Variants in C1orf21 observed in about 807,000 individuals in gnomAD.
C1orf21 encodes uncharacterized protein C1orf21.
C1orf21 carries 3 observed loss-of-function variants against 18.7 expected under a neutral mutation model. That is an observed-to-expected ratio of 0.16 (90% CI 0.07 to 0.42). The LOEUF is 0.42. C1orf21 is among the 10% of genes least tolerant of loss of function. The pLI, the probability that C1orf21 is intolerant of heterozygous loss-of-function variation, is 0.99. For missense variants in C1orf21, 104 were observed against 143.6 expected (o/e 0.72, Z 1.41); for synonymous variants, 41 against 46.4 (o/e 0.88, Z 0.47).
At chr1:184,579,944 G>A (rs1659253877) in intron 3 of C1orf21, among the ~76,000 whole-genome samples, 1 of 152,152 alleles carries the variant, frequency 6.6e-6, no homozygotes, top group African/African-American at 2.4e-5. Flanking sequence ...TTGCAAAATT[G>A]CCCTTGCTTA....
intron 5 of C1orf21, among the ~76,000 whole-genome samples, chr1:184,616,506 T>G (rs1659825853): frequency 6.6e-6 from 1 of 152,186 alleles, no homozygotes. Context: ...AGTTGCAGAG[T>G]CCTGTGTTTA....
chr1:184,504,950 G>A (rs1658031759), intron 2 of C1orf21, among the ~76,000 whole-genome samples: 1 of 152,136 alleles, frequency 6.6e-6, no homozygotes, highest in African/African-American at 2.4e-5. Flanking sequence ...TTAGAATAAT[G>A]CTGCTTTGAA....
At chr1:184,539,830 G>A (rs1438213272) in intron 3 of C1orf21, among the ~76,000 whole-genome samples, 2 of 152,108 alleles carry the variant, frequency 1.3e-5, no homozygotes, top group Admixed American at 6.5e-5. Context: ...CCTTTAAGGG[G>A]AAGTCTTAAG....
chr1:184,558,061 G>T (rs990952528), intron 3 of C1orf21, among the ~76,000 whole-genome samples: 1 of 152,130 alleles, frequency 6.6e-6, no homozygotes, highest in African/African-American at 2.4e-5. Flanking sequence ...CTGCTTTACC[G>T]TTTTGGTTTT....
chr1:184,511,572 A>AT (rs1658143652), intron 3 of C1orf21, among the ~76,000 whole-genome samples: 2 of 152,230 alleles, frequency 1.3e-5, no homozygotes, highest in African/African-American at 2.4e-5. Flanking sequence ...AATGAACAGA[A>AT]GAATGAATGA....
At chr1:184,418,520 TA>T (rs1264031494) in intron 1 of C1orf21, among the ~76,000 whole-genome samples, 3 of 152,228 alleles carry the variant, frequency 2.0e-5, no homozygotes, top group Non-Finnish European at 4.4e-5. Context: ...GGCGAAGTTA[TA>T]ACTTTTCTTC....
intron 5 of C1orf21, 92 bp from the exon 6 acceptor site, chr1:184,619,426 C>T (rs1659881662): frequency 7.4e-7 from 1 of 1,356,580 alleles, no homozygotes; most frequent in Non-Finnish European, 1.0e-6. Flanking sequence ...TGCAAGGAGA[C>T]ATATATTGAG....
chr1:184,403,493 G>A (rs1656197152), intron 1 of C1orf21, among the ~76,000 whole-genome samples: 1 of 152,208 alleles, frequency 6.6e-6, no homozygotes, highest in African/African-American at 2.4e-5. Context: ...TGAAGGGTAT[G>A]TTGTGCTTGG....
chr1:184,428,393 G>A (rs1656674711), intron 1 of C1orf21, among the ~76,000 whole-genome samples: 1 of 152,162 alleles, frequency 6.6e-6, no homozygotes, highest in Non-Finnish European at 1.5e-5. Flanking sequence ...GGCAGGGAGG[G>A]ACCAGAAGAA....
chr1:184,535,180 A>G (rs1291869858), intron 3 of C1orf21, among the ~76,000 whole-genome samples: 1 of 152,174 alleles, frequency 6.6e-6, no homozygotes, highest in East Asian at 1.9e-4. Context: ...AGCCCCCTTC[A>G]CACCAGCTGT....
chr1:184,434,509 G>T (rs952283782), intron 1 of C1orf21, among the ~76,000 whole-genome samples: 2 of 152,174 alleles, frequency 1.3e-5, no homozygotes, highest in Non-Finnish European at 2.9e-5. Context: ...CTTAGATTTG[G>T]TTGGGGGAAG....
intron 1 of C1orf21, among the ~76,000 whole-genome samples, chr1:184,418,509 C>T (rs892701932): frequency 6.6e-5 from 10 of 152,288 alleles, no homozygotes; most frequent in Admixed American, 4.6e-4. Flanking sequence ...CCACTGTGCC[C>T]GGCGAAGTTA....
At chr1:184,559,130 A>G (rs1658917098) in intron 3 of C1orf21, among the ~76,000 whole-genome samples, 3 of 152,134 alleles carry the variant, frequency 2.0e-5, no homozygotes. Flanking sequence ...CTAGTGTTGA[A>G]TTGTAATCTC....
chr1:184,612,959 T>C (rs918316545), intron 5 of C1orf21, among the ~76,000 whole-genome samples: 35 of 152,328 alleles, frequency 2.3e-4, no homozygotes, highest in Middle Eastern at 3.4e-3. Context: ...CCTTCCTTTT[T>C]TTTTCTTTTG....
intron 5 of C1orf21, among the ~76,000 whole-genome samples, chr1:184,608,939 C>G (rs1659689774): frequency 6.6e-6 from 1 of 152,160 alleles, no homozygotes; most frequent in Admixed American, 6.5e-5. Context: ...CTGGCTAGTC[C>G]ATTGTTCTCT....
At chr1:184,580,950 G>C (rs1014614857) in intron 3 of C1orf21, among the ~76,000 whole-genome samples, 1 of 151,896 alleles carries the variant, frequency 6.6e-6, no homozygotes, top group African/African-American at 2.4e-5. Context: ...GAATTTAGAT[G>C]TGGTCCTGTG....
chr1:184,488,900 G>T (rs964147767), intron 2 of C1orf21, among the ~76,000 whole-genome samples: 1 of 152,188 alleles, frequency 6.6e-6, no homozygotes, highest in Non-Finnish European at 1.5e-5. Context: ...AGGAGGCGGA[G>T]GTTGCAGTGA....
Position 184,530,607 on chromosome 1 carries a change from T to C in C1orf21, c.189+22925T>C, listed in dbSNP as rs535227257. ...GTCTCTTTTTTCTTTTTTCTTTTTT[T>C]TTTTTTTTTTTGAGCTGGGGTTCAC... On this transcript the variant is annotated intron_variant, in intron 3 of 5. Transcript: ENST00000235307. 1.2e-4 allele frequency among the ~76,000 whole-genome samples: 18 copies of C among 149,558 alleles called. No homozygotes were observed. In the East Asian group the frequency reaches 2.1e-3, roughly 18 times the overall value.
At chr1:184,412,237 G>A (rs1334336548) in intron 1 of C1orf21, 1 of 152,212 alleles carries the variant, frequency 6.6e-6, no homozygotes, top group Non-Finnish European at 1.5e-5. Flanking sequence ...TAAGGTGCAG[G>A]TATTGTCAGT....
Sources: allele counts gnomAD v4.1 joint callset (sites outside exome capture counted in the v4.1 genomes callset), GRCh38; gene constraint gnomAD v4.1.1; transcripts MANE v1.5; gene names NCBI Gene and HGNC (gene_info 2026-07-23, HGNC 2026-07-21).